The following ANKS1B variants were observed in gnomAD, a reference collection of about 807,000 sequenced individuals.
The protein encoded by ANKS1B is ankyrin repeat and sterile alpha motif domain-containing protein 1B.
In ANKS1B, 36 loss-of-function variants were observed where a neutral mutation model predicts 148.3. The observed-to-expected ratio is 0.24, with a 90% CI of 0.19 to 0.32. ANKS1B has a LOEUF of 0.32. ANKS1B is among the 10% of genes least tolerant of loss of function. The probability of loss-of-function intolerance (pLI) is 1.00; values close to 1 mark genes in which losing one functional copy is unlikely to be tolerated. For missense variants in ANKS1B, 1,157 were observed against 1,542.6 expected (o/e 0.75, Z 4.19); for synonymous variants, 542 against 560.8 (o/e 0.97, Z 0.47).
intron 9 of ANKS1B, among the ~76,000 whole-genome samples, chr12:99,629,066 C>T (rs994811617): frequency 3.9e-5 from 6 of 152,066 alleles, no homozygotes; most frequent in African/African-American, 1.2e-4. Context: ...CAGCTATGTC[C>T]GTTCATTTTC....
At chr12:99,683,944 T>C (rs1185586953) in intron 8 of ANKS1B, among the ~76,000 whole-genome samples, 3 of 152,072 alleles carry the variant, frequency 2.0e-5, no homozygotes, top group Admixed American at 6.6e-5. Context: ...AAAATTGGCA[T>C]AGAAGGGACA....
At chr12:98,869,569 C>T (rs2099642729) in intron 17 of ANKS1B, among the ~76,000 whole-genome samples, 1 of 152,120 alleles carries the variant, frequency 6.6e-6, no homozygotes, top group Non-Finnish European at 1.5e-5. Context: ...ACCCTAGAGG[C>T]TTCCAGAATT....
intron 1 of ANKS1B, among the ~76,000 whole-genome samples, chr12:99,926,776 G>A (rs769622203): frequency 5.3e-5 from 8 of 152,202 alleles, no homozygotes; most frequent in East Asian, 1.9e-4. Flanking sequence ...AAAGCATCCC[G>A]CCTAAATAGC....
chr12:99,257,697 C>T (rs1279587543), intron 12 of ANKS1B, among the ~76,000 whole-genome samples: 1 of 151,970 alleles, frequency 6.6e-6, no homozygotes, highest in Non-Finnish European at 1.5e-5. Context: ...TAGTGGTTTG[C>T]TTTTCAAGGT....
At chr12:98,835,013 T>C (rs2099354168) in intron 17 of ANKS1B, among the ~76,000 whole-genome samples, 4 of 152,168 alleles carry the variant, frequency 2.6e-5, no homozygotes, top group Admixed American at 2.6e-4. Flanking sequence ...TCCCAGCAGG[T>C]AGCTGGACCT....
chr12:98,854,667 C>A (rs1307643915), intron 17 of ANKS1B, among the ~76,000 whole-genome samples: 1 of 152,172 alleles, frequency 6.6e-6, no homozygotes, highest in Non-Finnish European at 1.5e-5. Context: ...TTCTTACACA[C>A]CTTTTAGGTG....
intron 11 of ANKS1B, among the ~76,000 whole-genome samples, chr12:99,409,612 T>G (rs7977812): frequency 0.28 from 43,042 of 151,832 alleles, 6,500 homozygotes; most frequent in East Asian, 0.55. Flanking sequence ...ATATCTCATA[T>G]ACTCTACAAA....
rs1471635361 is a variant in ANKS1B, at chr12:99,557,751, T to C, written c.1273-53110A>G. Among the ~76,000 whole-genome samples the C allele has an allele frequency of 2.0e-5, 3 of 152,340 alleles. No homozygotes were observed. In the East Asian group the frequency reaches 5.8e-4, roughly 29 times the overall value. On this transcript the variant is annotated intron_variant, in intron 9 of 26. Coordinates refer to ENST00000683438, the MANE Select transcript of ANKS1B (RefSeq NM_001352186.2). ...ACAAAGACAATCTGGCTTTTCAAGT[T>C]GCCAGAGTTCTTGCACTGATTTTCT...
intron 16 of ANKS1B, among the ~76,000 whole-genome samples, chr12:99,055,080 T>C (rs1484027186): frequency 2.0e-5 from 3 of 152,332 alleles, no homozygotes; most frequent in East Asian, 1.9e-4. Flanking sequence ...CTGGATGTTA[T>C]GTATGTATAA....
rs951450760 is a variant in ANKS1B at position 99,776,233 on chromosome 12, C to T, written c.848-572G>A. On this transcript the variant is annotated intron_variant, in intron 6 of 26. Transcript: ENST00000683438. ...TCTTGAAGTAATGTCCTATACTCAGCCTATTTTTCATTTTTCTAGTTTTGA... is the reference window on the plus strand; with the variant it reads ...TCTTGAAGTAATGTCCTATACTCAGTCTATTTTTCATTTTTCTAGTTTTGA... Among the ~76,000 whole-genome samples, 15 of 152,220 alleles carry T rather than the reference C, an allele frequency of 9.9e-5. 1 individual carries two copies. Among genetic ancestry groups the T allele is most frequent in the African/African-American group, 3.6e-4 (15 of 41,518 alleles).
At chr12:99,086,383 G>A (rs2051812351) in intron 15 of ANKS1B, among the ~76,000 whole-genome samples, 2 of 152,116 alleles carry the variant, frequency 1.3e-5, no homozygotes, top group South Asian at 4.1e-4. Context: ...TATGGAGAGA[G>A]GAGCAAACGG....
At position 99,274,800 on chromosome 12, in the gene ANKS1B, G is replaced by C. The variant is rs145951137; in HGVS notation, c.1757-27936C>G. Among the ~76,000 whole-genome samples the C allele has an allele frequency of 2.8e-3, 423 of 152,300 alleles. 1 individual carries two copies. Among genetic ancestry groups the C allele is most frequent in the Middle Eastern group, 0.01 (3 of 294 alleles). Reference sequence around the variant, plus strand: ...TATCTTAAAAATGCAGTTTCAGTAAGACAGTGGATGGGACTGGGGTCAATG... The same window carrying C: ...TATCTTAAAAATGCAGTTTCAGTAACACAGTGGATGGGACTGGGGTCAATG... On this transcript the variant is annotated intron_variant, in intron 12 of 26. Coordinates refer to ENST00000683438, the MANE Select transcript of ANKS1B (RefSeq NM_001352186.2).
At chr12:99,437,664 T>C (rs1567100039) in intron 11 of ANKS1B, among the ~76,000 whole-genome samples, 1 of 151,936 alleles carries the variant, frequency 6.6e-6, no homozygotes, top group African/African-American at 2.4e-5. Context: ...TAATGTTAGT[T>C]TGTTTGAACT....
At chr12:99,301,257 T>C (rs1458725720) in intron 12 of ANKS1B, among the ~76,000 whole-genome samples, 2 of 152,210 alleles carry the variant, frequency 1.3e-5, no homozygotes, top group Non-Finnish European at 1.5e-5. Context: ...GATTCAAATG[T>C]TAATCTCTTC....
At chr12:99,746,607 A>G (rs1182520297) in intron 8 of ANKS1B, among the ~76,000 whole-genome samples, 1 of 152,174 alleles carries the variant, frequency 6.6e-6, no homozygotes, top group Non-Finnish European at 1.5e-5. Flanking sequence ...TGCAACAAAA[A>G]ATATGACAGA....
chr12:99,464,102 G>A (rs959745318), intron 10 of ANKS1B, among the ~76,000 whole-genome samples: 3 of 152,150 alleles, frequency 2.0e-5, no homozygotes, highest in Non-Finnish European at 4.4e-5. Flanking sequence ...AACTTCCAGA[G>A]GAACGATCAG....
rs550057865 is a variant in ANKS1B at position 99,355,051 on chromosome 12, G to C, written c.1756+44580C>G. On this transcript the variant is annotated intron_variant, in intron 12 of 26. Transcript: ENST00000683438. ...AACAGTATGATATCTAATACTTATTGAGTGCTTATTTTAGGCAATATAATA... is the reference window on the plus strand; with the variant it reads ...AACAGTATGATATCTAATACTTATTCAGTGCTTATTTTAGGCAATATAATA... Among the ~76,000 whole-genome samples the C allele has an allele frequency of 3.9e-5, 6 of 152,174 alleles. No homozygotes were observed. The South Asian group carries it at 1.2e-3, about 32-fold the overall frequency.
chr12:99,880,342 G>A lies in ANKS1B; in HGVS notation c.135-54953C>T, dbSNP rs534448561. On this transcript the variant is annotated intron_variant, in intron 1 of 26. Coordinates refer to ENST00000683438, the MANE Select transcript of ANKS1B (RefSeq NM_001352186.2). Reference sequence around the variant, plus strand: ...TTAAATAACTTGCCCAAGGTCACACGGCCAAAAGTAGATAACAGGGATTCA... The same window carrying A: ...TTAAATAACTTGCCCAAGGTCACACAGCCAAAAGTAGATAACAGGGATTCA... 5.9e-5 allele frequency among the ~76,000 whole-genome samples: 9 copies of A among 152,228 alleles called. No homozygotes were observed. The East Asian group carries it at 1.4e-3, about 23-fold the overall frequency.
At chr12:99,886,455 A>G (rs2092825323) in intron 1 of ANKS1B, among the ~76,000 whole-genome samples, 1 of 152,174 alleles carries the variant, frequency 6.6e-6, no homozygotes, top group Admixed American at 6.5e-5. Context: ...TTCTTTCTTA[A>G]TATCTTTACC....
Sources: gnomAD v4.1 joint callset for allele counts (sites outside exome capture counted in the v4.1 genomes callset) on GRCh38, gnomAD v4.1.1 for gene constraint, MANE v1.5 for transcripts, NCBI Gene and HGNC (gene_info 2026-07-23, HGNC 2026-07-21) for gene names.